Variants in DPP10 observed in about 807,000 individuals in gnomAD.
DPP10 encodes inactive dipeptidyl peptidase 10.
DPP10 carries 33 observed loss-of-function variants against 120.9 expected under a neutral mutation model. That is an observed-to-expected ratio of 0.27 (90% CI 0.21 to 0.37). The LOEUF (loss-of-function observed/expected upper bound fraction) is 0.37, where lower values mean the gene tolerates loss of function less well. Among genes scored for constraint, DPP10 ranks in the 10% least tolerant of loss-of-function variants. The pLI is 1.00. For missense variants in DPP10, 816 were observed against 942.8 expected (o/e 0.87, Z 1.76); for synonymous variants, 337 against 326.1 (o/e 1.03, Z -0.36).
At chr2:115,783,229 C>T (rs1220717157) in intron 17 of DPP10, among the ~76,000 whole-genome samples, 1 of 152,024 alleles carries the variant, frequency 6.6e-6, no homozygotes, top group Non-Finnish European at 1.5e-5. Flanking sequence ...TCCCTTTTTA[C>T]AGGTGAGAAA....
intron 1 of DPP10, among the ~76,000 whole-genome samples, chr2:115,035,333 A>C (rs1230385738): frequency 1.3e-5 from 2 of 152,192 alleles, no homozygotes; most frequent in African/African-American, 4.8e-5. Context: ...CTATTTTGTA[A>C]ATTTGTAGAA....
At chr2:115,669,130 T>C (rs1397174928) in intron 5 of DPP10, among the ~76,000 whole-genome samples, 2 of 152,156 alleles carry the variant, frequency 1.3e-5, no homozygotes, top group African/African-American at 2.4e-5. Flanking sequence ...GTTACTGTTA[T>C]TGAGTAGGAC....
intron 1 of DPP10, among the ~76,000 whole-genome samples, chr2:114,876,082 C>G (rs1691128199): frequency 1.3e-5 from 2 of 151,864 alleles, no homozygotes; most frequent in African/African-American, 4.8e-5. Context: ...TTGACAAGCA[C>G]TTTATAAAGA....
chr2:114,937,737 C>G (rs983312148), intron 1 of DPP10, among the ~76,000 whole-genome samples: 8 of 152,150 alleles, frequency 5.3e-5, no homozygotes, highest in African/African-American at 1.7e-4. Flanking sequence ...CTACTCTGAA[C>G]GTGCCCAATC....
In DPP10 at chr2:115,147,174, AGT is replaced by A. The variant is rs550984161; in HGVS notation, c.61-162058_61-162057del. 4.9e-3 allele frequency among the ~76,000 whole-genome samples: 739 copies of A among 151,302 alleles called. 5 individuals are homozygous for A. Among genetic ancestry groups the A allele is most frequent in the South Asian group, 7.3e-3 (35 of 4,816 alleles). On this transcript the variant is annotated intron_variant, in intron 1 of 25. Transcript: ENST00000410059. ...ATATATACTATATATATGCATATAT[AGT>A]GTGTGTATATATATAGTATTGTATA...
At chr2:115,662,440 T>A (rs552601897) in intron 5 of DPP10, among the ~76,000 whole-genome samples, 18 of 151,910 alleles carry the variant, frequency 1.2e-4, no homozygotes, top group African/African-American at 1.2e-4. Flanking sequence ...TTTTATTTTT[T>A]TTTTTTAGCA....
intron 5 of DPP10, among the ~76,000 whole-genome samples, chr2:115,625,386 A>G (rs2085281484): frequency 6.6e-6 from 1 of 152,172 alleles, no homozygotes; most frequent in Non-Finnish European, 1.5e-5. Flanking sequence ...CCATGTAACT[A>G]TAGCCAGATC....
At chr2:115,832,637 T>C (rs958786004) in intron 21 of DPP10, among the ~76,000 whole-genome samples, 1 of 152,200 alleles carries the variant, frequency 6.6e-6, no homozygotes, top group Non-Finnish European at 1.5e-5. Context: ...ATATTTGGCT[T>C]CATTAAATGC....
rs1690305679 is a variant in DPP10 at position 115,843,045 on chromosome 2, T to C, written c.*700T>C. 1 of 152,626 alleles carries C rather than the reference T, an allele frequency of 6.6e-6. No individual in the cohort carries two copies. The allele number at this position is 152,626 out of a possible 1,614,324, so 9.5% of individuals were successfully genotyped here. On this transcript the variant is annotated 3_prime_UTR_variant, in exon 26 of 26. Transcript: ENST00000410059. Reference sequence around the variant, plus strand: ...AGTTAATGAAACTATCTTTAAATGTTATTCATGCTATAAAGAGTAAACGTT... The same window carrying C: ...AGTTAATGAAACTATCTTTAAATGTCATTCATGCTATAAAGAGTAAACGTT...
At chr2:115,725,027 A>G (rs2092732170) in intron 7 of DPP10, among the ~76,000 whole-genome samples, 1 of 152,174 alleles carries the variant, frequency 6.6e-6, no homozygotes, top group South Asian at 2.1e-4. Context: ...CTCCAACACT[A>G]GGGATTACAT....
chr2:114,595,604 A>T (rs1330046327), intron 1 of DPP10, among the ~76,000 whole-genome samples: 1 of 152,168 alleles, frequency 6.6e-6, no homozygotes, highest in Non-Finnish European at 1.5e-5. Context: ...GTCATCACAC[A>T]TGGTAAAAAG....
chr2:115,239,034 T>C (rs952547381), intron 1 of DPP10, among the ~76,000 whole-genome samples: 18 of 152,078 alleles, frequency 1.2e-4, no homozygotes, highest in African/African-American at 4.1e-4. Context: ...AATCTAGCCT[T>C]TTTATGTTTT....
chr2:115,795,095 TG>T (rs1254155069), intron 19 of DPP10, among the ~76,000 whole-genome samples: 11 of 152,296 alleles, frequency 7.2e-5, no homozygotes, highest in African/African-American at 2.6e-4. Context: ...GCCCTGCACT[TG>T]CAGACGTTCA....
chr2:114,678,680 T>C (rs1432232237), intron 1 of DPP10, among the ~76,000 whole-genome samples: 1 of 152,056 alleles, frequency 6.6e-6, no homozygotes, highest in African/African-American at 2.4e-5. Context: ...GGTTTAGCAC[T>C]GAATAAGCTC....
chr2:115,575,019 C>T (rs1292159448), intron 5 of DPP10, among the ~76,000 whole-genome samples: 1 of 152,224 alleles, frequency 6.6e-6, no homozygotes, highest in Non-Finnish European at 1.5e-5. Context: ...CTAAGATCAT[C>T]TTTTGCCCTT....
intron 1 of DPP10, among the ~76,000 whole-genome samples, chr2:114,476,287 C>T (rs558868890): frequency 2.6e-5 from 4 of 152,218 alleles, no homozygotes; most frequent in Non-Finnish European, 5.9e-5. Context: ...TGTTATCAGG[C>T]TCAATTATTT....
intron 1 of DPP10, among the ~76,000 whole-genome samples, chr2:115,281,517 G>A (rs1208979965): frequency 2.0e-5 from 3 of 152,146 alleles, no homozygotes; most frequent in African/African-American, 4.8e-5. Flanking sequence ...TGGCTATATC[G>A]CTTGGTGAAA....
intron 1 of DPP10, among the ~76,000 whole-genome samples, chr2:114,691,839 A>G (rs370958993): frequency 6.6e-6 from 1 of 151,818 alleles, no homozygotes; most frequent in East Asian, 1.9e-4. Flanking sequence ...GAATTTGTCT[A>G]CCTATTCTAG....
intron 1 of DPP10, among the ~76,000 whole-genome samples, chr2:114,878,877 T>C (rs1691371946): frequency 6.6e-6 from 1 of 152,148 alleles, no homozygotes; most frequent in African/African-American, 2.4e-5. Context: ...CTATTGTAAG[T>C]AGTGCTACAA....
Sources: allele counts gnomAD v4.1 joint callset (sites outside exome capture counted in the v4.1 genomes callset), GRCh38; gene constraint gnomAD v4.1.1; transcripts MANE v1.5; gene names NCBI Gene and HGNC (gene_info 2026-07-23, HGNC 2026-07-21).